The following ADGRV1 variants were observed in gnomAD, a reference collection of about 807,000 sequenced individuals.
ADGRV1 encodes the protein G-protein coupled receptor 98.
ADGRV1 carries 359 observed loss-of-function variants against 596.2 expected under a neutral mutation model. The ratio of observed to expected loss-of-function variants is 0.60; its 90% CI spans 0.55 to 0.66. The LOEUF (loss-of-function observed/expected upper bound fraction) is 0.66, where lower values mean the gene tolerates loss of function less well. Ranked by LOEUF, ADGRV1 falls within the 30% of genes least tolerant of loss-of-function variation. ADGRV1 has a pLI of 0.00. For missense variants in ADGRV1, 7,274 were observed against 7,575.6 expected (o/e 0.96, Z 1.48); for synonymous variants, 2,681 against 2,679.2 (o/e 1.00, Z -0.02).
At chr5:90,748,803 C>G (rs1006904982) in intron 52 of ADGRV1, among the ~76,000 whole-genome samples, 2 of 142,708 alleles carry the variant, frequency 1.4e-5, no homozygotes, top group African/African-American at 5.3e-5. Flanking sequence ...CCTAGTTTGT[C>G]TATCATCAAG....
chr5:90,731,455 A>G (rs940589581), intron 50 of ADGRV1, among the ~76,000 whole-genome samples: 51 of 152,184 alleles, frequency 3.4e-4, no homozygotes, highest in Admixed American at 3.3e-3. Flanking sequence ...TTCAATGACC[A>G]ATACCATTTG....
intron 82 of ADGRV1, among the ~76,000 whole-genome samples, chr5:90,856,136 TGTAATACAGTGTAG>T (rs1052454600): frequency 1.3e-5 from 2 of 152,268 alleles, no homozygotes; most frequent in African/African-American, 4.8e-5. Context: ...ATAAAGAATA[TGTAATACAGTGTAG>T]GATAGAAGCT....
intron 1 of ADGRV1, among the ~76,000 whole-genome samples, chr5:90,612,635 A>T (rs1223116693): frequency 6.6e-6 from 1 of 152,008 alleles, no homozygotes; most frequent in Non-Finnish European, 1.5e-5. Context: ...GTGTTAATGT[A>T]TATAAAGTAC....
intron 1 of ADGRV1, among the ~76,000 whole-genome samples, chr5:90,600,069 T>A (rs934006276): frequency 1.3e-5 from 2 of 152,284 alleles, no homozygotes; most frequent in Non-Finnish European, 2.9e-5. Context: ...GACACGCAAA[T>A]ACCTTGCAAA....
At chr5:91,147,785 G>T (rs181699134) in intron 87 of ADGRV1, among the ~76,000 whole-genome samples, 3 of 152,274 alleles carry the variant, frequency 2.0e-5, no homozygotes, top group East Asian at 3.9e-4. Context: ...TGGAAGCGCC[G>T]TTGGAACTAG....
In ADGRV1 at chr5:90,840,765, T is replaced by C. The variant is rs2150359707; in HGVS notation, c.16799T>C (p.Phe5600Ser). The C allele has an allele frequency of 6.2e-7, 1 of 1,614,038 alleles. No individual in the cohort carries two copies. Among genetic ancestry groups the C allele is most frequent in the Non-Finnish European group, 8.5e-7 (1 of 1,179,896 alleles). ...SFPKRFQIVL[F>S]DPKGGARIDK... is the part of the protein sequence containing the mutation. Reference sequence around the variant, plus strand: ...CCTAAACGCTTCCAGATTGTCCTTTTTGACCCAAAAGGTGGTGCCAGAATT... The same window carrying C: ...CCTAAACGCTTCCAGATTGTCCTTTCTGACCCAAAAGGTGGTGCCAGAATT... The change falls in exon 78 of 90, where the codon TTT becomes TCT. Residue 5600 changes from phenylalanine to serine, a missense_variant. Coordinates refer to ENST00000405460, the MANE Select transcript of ADGRV1 (RefSeq NM_032119.4).
intron 87 of ADGRV1, among the ~76,000 whole-genome samples, chr5:91,111,222 T>A (rs992827067): frequency 4.6e-5 from 7 of 152,202 alleles, no homozygotes; most frequent in Non-Finnish European, 1.0e-4. Context: ...GTTCTCTCTC[T>A]CTCACTCGCT....
At chr5:90,570,777 TA>T (rs775093721) in intron 1 of ADGRV1, among the ~76,000 whole-genome samples, 7 of 151,400 alleles carry the variant, frequency 4.6e-5, no homozygotes, top group Non-Finnish European at 7.4e-5. Context: ...TTTTTTTTTT[TA>T]AACTATCTTT....
intron 86 of ADGRV1, among the ~76,000 whole-genome samples, chr5:91,101,020 C>T (rs529896952): frequency 8.1e-5 from 12 of 148,856 alleles, no homozygotes; most frequent in African/African-American, 2.8e-4. Context: ...GACTGGATCT[C>T]TGGATCTCTC....
chr5:90,592,758 A>G (rs1280422132), intron 1 of ADGRV1, among the ~76,000 whole-genome samples: 1 of 152,206 alleles, frequency 6.6e-6, no homozygotes, highest in Non-Finnish European at 1.5e-5. Context: ...CAAGGAAAAA[A>G]CAAACAACCC....
chr5:91,069,072 G>A lies in ADGRV1; in HGVS notation c.18153-3375G>A, dbSNP rs553933040. 2.6e-5 allele frequency among the ~76,000 whole-genome samples: 4 copies of A among 152,238 alleles called. No individual in the cohort carries two copies. In the East Asian group the frequency reaches 7.7e-4, roughly 29 times the overall value. ...CTCTCTATTCAATAAATGGTGCTGG[G>A]ATAACTGGCTAGCCATATGGAAAAG... On this transcript the variant is annotated intron_variant, in intron 85 of 89. Coordinates refer to ENST00000405460, the MANE Select transcript of ADGRV1 (RefSeq NM_032119.4).
chr5:90,812,845 T>A (rs1406517839), intron 74 of ADGRV1, among the ~76,000 whole-genome samples: 1 of 151,982 alleles, frequency 6.6e-6, no homozygotes, highest in East Asian at 1.9e-4. Context: ...TAAAATTAAT[T>A]TGGTAGCTGG....
intron 83 of ADGRV1, among the ~76,000 whole-genome samples, chr5:90,903,467 C>T (rs868306609): frequency 7.6e-4 from 116 of 152,036 alleles, no homozygotes; most frequent in Admixed American, 2.7e-3. Flanking sequence ...TTTTCTTTTA[C>T]TTTACTAACT....
chr5:90,629,284 T>C lies in ADGRV1; in HGVS notation c.1584T>C (p.Ile528=). The change falls in exon 9 of 90, where the codon ATT becomes ATC. Residue 528 remains isoleucine (I), a synonymous_variant. Coordinates refer to ENST00000405460, the MANE Select transcript of ADGRV1 (RefSeq NM_032119.4). ...ITFFPMENQK[I]ESSPGERYLS... Reference sequence around the variant, plus strand: ...TTTTTCCTATGGAAAACCAGAAGATTGAAAGCAGCCCAGGTGAACGATACT... The same window carrying C: ...TTTTTCCTATGGAAAACCAGAAGATCGAAAGCAGCCCAGGTGAACGATACT... The C allele has an allele frequency of 6.2e-7, 1 of 1,613,024 alleles. No homozygotes were observed. The highest frequency in any genetic ancestry group is 8.5e-7 in the Non-Finnish European group (1 of 1,179,544).
At chr5:91,000,379 A>G (rs1180669962) in intron 85 of ADGRV1, among the ~76,000 whole-genome samples, 1 of 152,132 alleles carries the variant, frequency 6.6e-6, no homozygotes, top group Non-Finnish European at 1.5e-5. Flanking sequence ...TGAATGTGCT[A>G]TGTTGTATTT....
At chr5:90,736,714 AC>A (rs570979350) in intron 50 of ADGRV1, among the ~76,000 whole-genome samples, 1 of 151,496 alleles carries the variant, frequency 6.6e-6, no homozygotes, top group Non-Finnish European at 1.5e-5. Flanking sequence ...ATGTGTCTAG[AC>A]GTTTATTCAT....
chr5:90,815,101 T>G (rs547244082), intron 74 of ADGRV1, among the ~76,000 whole-genome samples: 2 of 152,090 alleles, frequency 1.3e-5, no homozygotes, highest in Non-Finnish European at 2.9e-5. Context: ...CTGGGGCAAA[T>G]AGCTTCATGG....
In ADGRV1 at chr5:90,805,278, C is replaced by T; in HGVS notation, c.14662-6C>T. The T allele has an allele frequency of 1.2e-6, 2 of 1,605,788 alleles. No individual in the cohort carries two copies. Among genetic ancestry groups the T allele is most frequent in the African/African-American group, 1.3e-5 (1 of 74,914 alleles). On this transcript the variant is annotated splice_polypyrimidine_tract_variant and splice_region_variant and intron_variant, in intron 71 of 89. Transcript: ENST00000405460. The stretch of plus-strand genomic sequence containing the variant: ...ATAAAATACTCTAAGCATGATTTTC[C>T]CTCAGGTCGGATTTGAATCCACTGC...
At chr5:91,121,952 G>T (rs1355088415) in intron 87 of ADGRV1, among the ~76,000 whole-genome samples, 1 of 151,178 alleles carries the variant, frequency 6.6e-6, no homozygotes, top group Non-Finnish European at 1.5e-5. Flanking sequence ...ATAAAGGTCA[G>T]TATGGTTTAA....
Sources: gnomAD v4.1 joint callset for allele counts (sites outside exome capture counted in the v4.1 genomes callset) on GRCh38, gnomAD v4.1.1 for gene constraint, MANE v1.5 for transcripts, NCBI Gene and HGNC (gene_info 2026-07-23, HGNC 2026-07-21) for gene names.